Variants in SP4 observed in about 807,000 individuals in gnomAD.
SP4 encodes the protein transcription factor Sp4.
SP4 carries 19 observed loss-of-function variants against 72.8 expected under a neutral mutation model. The ratio of observed to expected loss-of-function variants is 0.26; its 90% CI spans 0.18 to 0.38. The LOEUF is 0.38. SP4 is among the 10% of genes least tolerant of loss of function. The pLI is 1.00. For synonymous variants in SP4, 395 were observed against 333.1 expected (o/e 1.19, Z -2.02); for missense variants, 1,008 against 926.3 (o/e 1.09, Z -1.14).
At chr7:21,510,003 CA>C (rs1782102270) in intron 5 of SP4, among the ~76,000 whole-genome samples, 1 of 152,092 alleles carries the variant, frequency 6.6e-6, no homozygotes, top group African/African-American at 2.4e-5. Context: ...AAGGAAGACA[CA>C]AAAGCAGAAA....
chr7:21,462,118 C>T (rs1410277923), intron 3 of SP4, among the ~76,000 whole-genome samples: 1 of 151,724 alleles, frequency 6.6e-6, no homozygotes, highest in African/African-American at 2.4e-5. Flanking sequence ...CTCCACCTCC[C>T]AGGCTGAAGC....
intron 5 of SP4, among the ~76,000 whole-genome samples, chr7:21,496,234 A>T (rs1781702892): frequency 1.3e-5 from 2 of 152,274 alleles, no homozygotes; most frequent in Non-Finnish European, 2.9e-5. Flanking sequence ...TACCAAAAAA[A>T]TGAATTTTAC....
At chr7:21,439,433 C>T (rs894010638) in intron 3 of SP4, among the ~76,000 whole-genome samples, 12 of 151,912 alleles carry the variant, frequency 7.9e-5, no homozygotes, top group African/African-American at 2.9e-4. Context: ...TTAGTGTGTG[C>T]ATCACTGCAG....
intron 3 of SP4, among the ~76,000 whole-genome samples, chr7:21,465,846 G>C (rs1170790364): frequency 6.6e-6 from 1 of 152,016 alleles, no homozygotes; most frequent in Non-Finnish European, 1.5e-5. Flanking sequence ...CTGGGCAACA[G>C]AGCAAGACCC....
chr7:21,429,251 T>TGGGG, intron 2 of SP4, 38 bp from the exon 3 acceptor site: 2 of 1,026,092 alleles, frequency 1.9e-6, no homozygotes, highest in Non-Finnish European at 2.9e-6. Context: ...CCACTTTTTT[T>TGGGG]CCCCCCCCCC....
At chr7:21,503,441 TGA>T (rs1467280668) in intron 5 of SP4, among the ~76,000 whole-genome samples, 5 of 152,172 alleles carry the variant, frequency 3.3e-5, no homozygotes, top group Non-Finnish European at 7.3e-5. Flanking sequence ...ATATGCTTTG[TGA>T]GAGTTTGAGT....
intron 3 of SP4, among the ~76,000 whole-genome samples, chr7:21,475,325 A>G (rs1444616561): frequency 6.6e-6 from 1 of 152,062 alleles, no homozygotes; most frequent in Non-Finnish European, 1.5e-5. Context: ...CGTGTTAGCT[A>G]GGATGGTCTC....
Position 21,482,016 on chromosome 7 carries a change from A to G in SP4, c.2000A>G (p.His667Arg). ...GGCAAAACATCTCATTTACGAGCAC[A>G]TCTTCGCTGGCATACTGGAGAAAGA... ...VYGKTSHLRA[H>R]LRWHTGERPF... The change falls in exon 5 of 6, where the codon CAT (histidine) becomes CGT (arginine). Residue 667 changes from histidine to arginine, a missense_variant. Physicochemically the swap from His to Arg is conservative, Grantham distance 29. Coordinates refer to ENST00000222584, the MANE Select transcript of SP4 (RefSeq NM_003112.5). 6.2e-7 allele frequency: 1 copy of G among 1,613,984 alleles called. No homozygotes were observed. The highest frequency in any genetic ancestry group is 8.5e-7 in the Non-Finnish European group (1 of 1,179,840).
chr7:21,453,122 C>T (rs1483291336), intron 3 of SP4, among the ~76,000 whole-genome samples: 1 of 151,992 alleles, frequency 6.6e-6, no homozygotes, highest in Non-Finnish European at 1.5e-5. Flanking sequence ...GTTTTCTTGG[C>T]GTTGAAAAAC....
At chr7:21,507,406 TC>T (rs1456699915) in intron 5 of SP4, among the ~76,000 whole-genome samples, 2 of 152,184 alleles carry the variant, frequency 1.3e-5, no homozygotes, top group African/African-American at 4.8e-5. Flanking sequence ...GGTGTCCAGG[TC>T]TTTCCTCCTC....
At chr7:21,439,440 G>T (rs562974731) in intron 3 of SP4, among the ~76,000 whole-genome samples, 1 of 151,942 alleles carries the variant, frequency 6.6e-6, no homozygotes, top group African/African-American at 2.4e-5. Context: ...GTGCATCACT[G>T]CAGGAATGTA....
intron 3 of SP4, among the ~76,000 whole-genome samples, chr7:21,463,408 G>A (rs1470396647): frequency 1.3e-5 from 2 of 152,172 alleles, no homozygotes; most frequent in Non-Finnish European, 2.9e-5. Context: ...GGCTTTATTA[G>A]CCCTCCTGTA....
rs1438741126 is a variant in SP4 at position 21,428,172 on chromosome 7, C to T, written c.-80C>T. The stretch of plus-strand genomic sequence containing the variant: ...AGCCACCGCGGGCGGGCGGGACCGG[C>T]CTCTCCTCCCGCCTCGCCCCCACCC... On this transcript the variant is annotated 5_prime_UTR_variant, in exon 1 of 6. Transcript: ENST00000222584. 3.2e-5 allele frequency: 24 copies of T among 756,748 alleles called. No individual in the cohort carries two copies. The highest frequency in any genetic ancestry group is 5.2e-5 in the Non-Finnish European group (22 of 421,188). The allele number at this position is 756,748 out of a possible 1,614,324, so 46.9% of individuals were successfully genotyped here. A position where few individuals can be genotyped will look rare whatever the true frequency, so the allele number is the denominator to read the frequency against.
chr7:21,443,832 A>C (rs1319626286), intron 3 of SP4, among the ~76,000 whole-genome samples: 1 of 152,230 alleles, frequency 6.6e-6, no homozygotes, highest in Non-Finnish European at 1.5e-5. Flanking sequence ...GTGGTTTGTG[A>C]ATTCTGCAGG....
intron 3 of SP4, among the ~76,000 whole-genome samples, chr7:21,474,408 T>C (rs1784434221): frequency 6.6e-6 from 1 of 152,208 alleles, no homozygotes; most frequent in Non-Finnish European, 1.5e-5. Flanking sequence ...TTTTGTATAG[T>C]GCTTGTTCAG....
chr7:21,443,750 A>G (rs992264607), intron 3 of SP4, among the ~76,000 whole-genome samples: 3 of 152,156 alleles, frequency 2.0e-5, no homozygotes, highest in Non-Finnish European at 4.4e-5. Flanking sequence ...GAGAAGAGAG[A>G]AGAGGAAGAG....
At chr7:21,453,816 T>C (rs1313667018) in intron 3 of SP4, among the ~76,000 whole-genome samples, 2 of 152,228 alleles carry the variant, frequency 1.3e-5, no homozygotes, top group Non-Finnish European at 2.9e-5. Context: ...ATAGTACCCC[T>C]TTAATGTTAG....
chr7:21,495,461 T>G (rs1174080468), intron 5 of SP4, among the ~76,000 whole-genome samples: 2 of 151,940 alleles, frequency 1.3e-5, no homozygotes, highest in African/African-American at 4.8e-5. Context: ...AGAGAACATA[T>G]GTATGTGACG....
chr7:21,440,506 A>G (rs941502873), intron 3 of SP4, among the ~76,000 whole-genome samples: 16 of 152,136 alleles, frequency 1.1e-4, no homozygotes, highest in Non-Finnish European at 2.2e-4. Flanking sequence ...GGTAAAGTGC[A>G]AGCAAGGGTG....
Sources: allele counts gnomAD v4.1 joint callset (sites outside exome capture counted in the v4.1 genomes callset), GRCh38; gene constraint gnomAD v4.1.1; transcripts MANE v1.5; gene names NCBI Gene and HGNC (gene_info 2026-07-23, HGNC 2026-07-21).